SSBP2: variants seen among roughly 807,000 people sequenced by gnomAD.
SSBP2 encodes single-stranded DNA-binding protein 2.
A neutral mutation model predicts 61.8 loss-of-function variants in SSBP2; 17 were observed. The ratio of observed to expected loss-of-function variants is 0.28; its 90% CI spans 0.19 to 0.41. The LOEUF is 0.41. SSBP2 is among the 10% of genes least tolerant of loss of function. SSBP2 has a pLI of 1.00. For synonymous variants in SSBP2, 139 were observed against 141.3 expected (o/e 0.98, Z 0.12); for missense variants, 310 against 458.7 (o/e 0.68, Z 2.96).
chr5:81,575,809 A>G (rs570551280), intron 4 of SSBP2, among the ~76,000 whole-genome samples: 1 of 152,328 alleles, frequency 6.6e-6, no homozygotes, highest in East Asian at 1.9e-4. Flanking sequence ...GCAGACATTA[A>G]CCAAAAGAAA....
chr5:81,513,855 G>A, intron 4 of SSBP2, 138 bp from the exon 5 acceptor site: 2 of 559,556 alleles, frequency 3.6e-6, no homozygotes, highest in East Asian at 6.1e-5. Context: ...CATCCTAGAA[G>A]TAAACTGAGA....
intron 1 of SSBP2, among the ~76,000 whole-genome samples, chr5:81,735,952 C>T (rs185081498): frequency 2.6e-5 from 4 of 152,190 alleles, no homozygotes; most frequent in South Asian, 2.1e-4. Context: ...TAAAATGAAA[C>T]GAGTATTTCA....
intron 1 of SSBP2, among the ~76,000 whole-genome samples, chr5:81,688,838 A>G (rs1753006920): frequency 6.6e-6 from 1 of 152,162 alleles, no homozygotes; most frequent in Admixed American, 6.5e-5. Context: ...GCATGCATCA[A>G]GGCCATCCAG....
chr5:81,438,148 G>A (rs924495112), intron 14 of SSBP2, among the ~76,000 whole-genome samples: 1 of 151,914 alleles, frequency 6.6e-6, no homozygotes, highest in Non-Finnish European at 1.5e-5. Context: ...TCCGGAGTTC[G>A]AGACCAGCCT....
intron 4 of SSBP2, among the ~76,000 whole-genome samples, chr5:81,603,142 AGGACTCT>A (rs1744540463): frequency 6.6e-6 from 1 of 152,232 alleles, no homozygotes; most frequent in East Asian, 1.9e-4. Flanking sequence ...TCTCCAGTTT[AGGACTCT>A]GGACAATGAA....
intron 4 of SSBP2, among the ~76,000 whole-genome samples, chr5:81,516,370 GA>G (rs1769017966): frequency 6.6e-6 from 1 of 152,032 alleles, no homozygotes; most frequent in African/African-American, 2.4e-5. Context: ...ATAGCTAGAT[GA>G]TTCATTGTAT....
intron 16 of SSBP2, among the ~76,000 whole-genome samples, chr5:81,426,095 G>A (rs1761936376): frequency 6.6e-6 from 1 of 152,130 alleles, no homozygotes; most frequent in Non-Finnish European, 1.5e-5. Context: ...GCTTTTCCTT[G>A]ATTATAGCAA....
In SSBP2 at chr5:81,581,897, A is replaced by G. The variant is rs186539032; in HGVS notation, c.282+33576T>C. Among the ~76,000 whole-genome samples the G allele has an allele frequency of 4.9e-4, 75 of 152,314 alleles. No homozygotes were observed. In the East Asian group the frequency reaches 9.4e-3, roughly 19 times the overall value. ...ATAAATTCTAACCATAATTCTAACT[A>G]AAAATATAAAAACATTCAGAAATTT... On this transcript the variant is annotated intron_variant, in intron 4 of 16. Coordinates refer to ENST00000320672, the MANE Select transcript of SSBP2 (RefSeq NM_012446.5).
intron 4 of SSBP2, among the ~76,000 whole-genome samples, chr5:81,526,194 A>C (rs531238102): frequency 1.3e-5 from 2 of 152,062 alleles, no homozygotes; most frequent in Non-Finnish European, 1.5e-5. Flanking sequence ...TAAACTCATA[A>C]GAAGAAACTT....
intron 1 of SSBP2, among the ~76,000 whole-genome samples, chr5:81,695,525 G>C (rs1379661908): frequency 7.6e-6 from 1 of 131,500 alleles, no homozygotes; most frequent in African/African-American, 3.0e-5. Context: ...ACAGGCCCCG[G>C]TGTGTGATGT....
At chr5:81,567,653 G>A (rs1773527597) in intron 4 of SSBP2, among the ~76,000 whole-genome samples, 1 of 152,166 alleles carries the variant, frequency 6.6e-6, no homozygotes, top group Admixed American at 6.5e-5. Context: ...TCCACCCACA[G>A]CTTGCACTGT....
At chr5:81,458,320 T>C (rs1764306243) in intron 10 of SSBP2, among the ~76,000 whole-genome samples, 1 of 152,202 alleles carries the variant, frequency 6.6e-6, no homozygotes, top group African/African-American at 2.4e-5. Context: ...ATCATTTTAC[T>C]GGGGTTATAA....
intron 1 of SSBP2, among the ~76,000 whole-genome samples, chr5:81,682,236 T>A (rs1348935527): frequency 6.6e-6 from 1 of 152,010 alleles, no homozygotes; most frequent in Admixed American, 6.6e-5. Context: ...GACAAAGACA[T>A]TACAAGAAAA....
At chr5:81,510,563 C>A (rs1409441555) in intron 5 of SSBP2, among the ~76,000 whole-genome samples, 1 of 152,056 alleles carries the variant, frequency 6.6e-6, no homozygotes, top group Non-Finnish European at 1.5e-5. Flanking sequence ...GAGTTCAAGA[C>A]CAGTCTGACC....
chr5:81,681,444 C>T (rs1215266528), intron 1 of SSBP2, among the ~76,000 whole-genome samples: 1 of 150,080 alleles, frequency 6.7e-6, no homozygotes, highest in Non-Finnish European at 1.5e-5. Flanking sequence ...CGCTTGAACC[C>T]AACAGGCAGA....
intron 6 of SSBP2, among the ~76,000 whole-genome samples, chr5:81,480,650 C>G (rs781344099): frequency 6.6e-6 from 1 of 152,194 alleles, no homozygotes; most frequent in Non-Finnish European, 1.5e-5. Context: ...AAGAAATCCA[C>G]CCGCCTTGGC....
intron 4 of SSBP2, among the ~76,000 whole-genome samples, chr5:81,524,137 C>T (rs1769724555): frequency 1.3e-5 from 2 of 151,936 alleles, no homozygotes; most frequent in South Asian, 2.1e-4. Context: ...CTTTTTTCCC[C>T]TCTGTGGTAG....
intron 16 of SSBP2, among the ~76,000 whole-genome samples, chr5:81,424,282 G>A (rs889438885): frequency 2.0e-5 from 3 of 152,076 alleles, no homozygotes; most frequent in African/African-American, 7.2e-5. Flanking sequence ...AAATTAGCCA[G>A]GCATGGTGGC....
chr5:81,658,485 T>C (rs1005012472), intron 1 of SSBP2, among the ~76,000 whole-genome samples: 1 of 152,212 alleles, frequency 6.6e-6, no homozygotes, highest in African/African-American at 2.4e-5. Context: ...CTGTACATGT[T>C]AAATCATCTC....
Sources: gnomAD v4.1 joint callset for allele counts (sites outside exome capture counted in the v4.1 genomes callset) on GRCh38, gnomAD v4.1.1 for gene constraint, MANE v1.5 for transcripts, NCBI Gene and HGNC (gene_info 2026-07-23, HGNC 2026-07-21) for gene names.